KANK2: variants seen among roughly 807,000 people sequenced by gnomAD.
KANK2 encodes the protein KN motif and ankyrin repeat domain-containing protein 2.
A neutral mutation model predicts 74.6 loss-of-function variants in KANK2; 41 were observed. The ratio of observed to expected loss-of-function variants is 0.55; its 90% confidence interval spans 0.43 to 0.71. The LOEUF (loss-of-function observed/expected upper bound fraction) is 0.71. KANK2 is among the 30% of genes least tolerant of loss of function. The pLI, the probability that KANK2 is intolerant of heterozygous loss-of-function variation, is 0.00. For synonymous variants in KANK2, 537 were observed against 519.0 expected, an observed-to-expected ratio of 1.03 and a Z score of -0.47; for missense variants, 1,148 against 1,196.4, an observed-to-expected ratio of 0.96 and a Z score of 0.60.
At chr19:11,166,649 C>T (rs1411696697) in intron 12 of KANK2, 38 bp from the exon 13 acceptor site, 4 of 1,603,674 alleles carry the variant, frequency 2.5e-6, no homozygotes, top group Non-Finnish European at 3.4e-6. Flanking sequence ...GTTTGGGATC[C>T]TTTCCAATCC....
chr19:11,179,305 G>A (rs2078443141), intron 4 of KANK2, among the ~76,000 whole-genome samples: 1 of 139,770 alleles, frequency 7.2e-6, no homozygotes, highest in African/African-American at 2.7e-5. Flanking sequence ...AACAGAGCAA[G>A]ACCCTGCCTC....
At chr19:11,178,275 G>T in intron 6 of KANK2, 70 bp downstream of exon 6, 2 of 1,171,930 alleles carry the variant, frequency 1.7e-6, no homozygotes, top group Non-Finnish European at 1.1e-6. Flanking sequence ...TAATTAGGAG[G>T]CTCTCGTGCG....
chr19:11,167,087 C>G (rs528814096), intron 12 of KANK2, among the ~76,000 whole-genome samples: 1 of 152,064 alleles, frequency 6.6e-6, no homozygotes, highest in African/African-American at 2.4e-5. Flanking sequence ...TTTTTTGAGA[C>G]AGAGTTTCAC....
chr19:11,176,569 A>G lies in KANK2; in HGVS notation c.1760+9T>C. 6.4e-7 allele frequency: 1 copy of G among 1,566,280 alleles called. No individual in the cohort carries two copies. Among genetic ancestry groups the G allele is most frequent in the East Asian group, 2.3e-5 (1 of 44,096 alleles). On this transcript the variant is annotated intron_variant, in intron 7 of 12. Coordinates refer to ENST00000586659, the MANE Select transcript of KANK2 (RefSeq NM_001136191.3). Reference sequence around the variant, plus strand: ...CCCTGCCTGAATCCCTCCTACCCAGAAAACTGACCTGATCTCCTCCTCCGT... The same window carrying G: ...CCCTGCCTGAATCCCTCCTACCCAGGAAACTGACCTGATCTCCTCCTCCGT...
Position 11,170,170 on chromosome 19 carries a change from C to A in KANK2, c.2290G>T (p.Asp764Tyr). 6.2e-7 allele frequency: 1 copy of A among 1,612,242 alleles called. No homozygotes were observed. The highest frequency in any genetic ancestry group is 8.5e-7 in the Non-Finnish European group (1 of 1,180,032). The change falls in exon 11 of 13, where the codon GAT becomes TAT. Residue 764 changes from aspartate to tyrosine, a missense_variant. Physicochemically the swap from Asp to Tyr is radical, Grantham distance 160. Transcript: ENST00000586659. This position sits in a 1 kb window ranked among gnomAD's most constrained non-coding sequence, Gnocchi z 5.2. ...CCGTCATCATCTTGCACGTTGACAT[C>A]TGCCTCACAGGCCAGCAGGGCTTTG... Reference protein sequence around the residue: ...VVKALLACEADVNVQDDDGST... With the variant: ...VVKALLACEAYVNVQDDDGST...
In KANK2 at chr19:11,189,471, G is replaced by A. The variant is rs1438360280; in HGVS notation, c.1249+3360C>T. On this transcript the variant is annotated intron_variant, in intron 4 of 12. Coordinates refer to ENST00000586659, the MANE Select transcript of KANK2 (RefSeq NM_001136191.3). ...ATACAAAAATTAGTCAGTCATGGTG[G>A]TGCATGCCTGTAATCCCAGCTACTC... Among the ~76,000 whole-genome samples the A allele has an allele frequency of 6.6e-5, 10 of 151,828 alleles. No homozygotes were observed. The East Asian group carries it at 1.9e-3, about 29-fold the overall frequency.
Position 11,170,042 on chromosome 19 carries a change from A to C in KANK2, c.2412+6T>G. 9 of 1,612,572 alleles carry C rather than the reference A, an allele frequency of 5.6e-6. No homozygotes were observed. Among genetic ancestry groups the C allele is most frequent in the Non-Finnish European group, 6.8e-6 (8 of 1,178,820 alleles). ...CTCCCCGGGGTGCACCTGGTTGGAG[A>C]CTCACGCGATCTGTGAGTGAGATGT... On this transcript the variant is annotated splice_donor_region_variant and intron_variant, in intron 11 of 12. Transcript: ENST00000586659. The surrounding 1 kb of genome is among the most constrained non-coding windows in gnomAD (Gnocchi z 5.2).
intron 4 of KANK2, among the ~76,000 whole-genome samples, chr19:11,190,190 A>C (rs1376988306): frequency 1.3e-5 from 2 of 151,712 alleles, no homozygotes; most frequent in African/African-American, 2.4e-5. Context: ...GCTAGAGTGC[A>C]GTGGTGCGAC....
chr19:11,176,013 G>A (rs2078326343), intron 7 of KANK2, 24 bp from the exon 8 acceptor site: 2 of 1,598,604 alleles, frequency 1.3e-6, no homozygotes, highest in South Asian at 1.1e-5. Flanking sequence ...ACAAAGCGGG[G>A]AACTAAGTAA....
chr19:11,194,734 G>A (rs2078966452), intron 2 of KANK2, 144 bp from the exon 3 acceptor site: 1 of 503,504 alleles, frequency 2.0e-6, no homozygotes, highest in Non-Finnish European at 3.6e-6. Context: ...CAGCCTGGCT[G>A]CGGAAGGGCC....
At chr19:11,171,534 T>A (rs1204584875) in intron 10 of KANK2, among the ~76,000 whole-genome samples, 1 of 151,500 alleles carries the variant, frequency 6.6e-6, no homozygotes, top group Non-Finnish European at 1.5e-5. Context: ...CCTTCTTTTT[T>A]TTTTTAATAG....
At chr19:11,182,669 C>T (rs1600816637) in intron 4 of KANK2, among the ~76,000 whole-genome samples, 1 of 151,202 alleles carries the variant, frequency 6.6e-6, no homozygotes, top group African/African-American at 2.4e-5. Flanking sequence ...CGGTGAAACC[C>T]CATCTCTACT....
intron 4 of KANK2, among the ~76,000 whole-genome samples, chr19:11,190,170 T>C (rs1055120246): frequency 6.6e-6 from 1 of 151,860 alleles, no homozygotes; most frequent in Non-Finnish European, 1.5e-5. Context: ...GGAGTCTCAC[T>C]GTCATCCAGG....
At chr19:11,185,528 A>G (rs1188934186) in intron 4 of KANK2, among the ~76,000 whole-genome samples, 2 of 149,566 alleles carry the variant, frequency 1.3e-5, no homozygotes, top group Non-Finnish European at 3.0e-5. Context: ...AAACGTAAAA[A>G]TCATTCTTAG....
chr19:11,179,641 T>C (rs999509414), intron 4 of KANK2, among the ~76,000 whole-genome samples: 1 of 134,226 alleles, frequency 7.5e-6, no homozygotes, highest in Admixed American at 7.4e-5. Flanking sequence ...GTCCTGAAAA[T>C]AAAAAATAAA....
Position 11,170,036 on chromosome 19 carries a change from T to C in KANK2, c.2412+12A>G. ...CCCGCCCTCCCCGGGGTGCACCTGG[T>C]TGGAGACTCACGCGATCTGTGAGTG... On this transcript the variant is annotated intron_variant, in intron 11 of 12. Transcript: ENST00000586659. This position sits in a 1 kb window ranked among gnomAD's most constrained non-coding sequence, Gnocchi z 5.2. 6.2e-7 allele frequency: 1 copy of C among 1,612,606 alleles called. No individual in the cohort carries two copies.
intron 12 of KANK2, among the ~76,000 whole-genome samples, chr19:11,168,691 G>A (rs1477189487): frequency 6.6e-6 from 1 of 152,038 alleles, no homozygotes; most frequent in Non-Finnish European, 1.5e-5. Context: ...TGCAGCAGGC[G>A]CTCAATAAAT....
At chr19:11,185,052 C>A (rs1233006333) in intron 4 of KANK2, among the ~76,000 whole-genome samples, 1 of 148,944 alleles carries the variant, frequency 6.7e-6, no homozygotes, top group Non-Finnish European at 1.5e-5. Flanking sequence ...CTCAGTTGAG[C>A]CACCACGCCC....
rs528176321 is a variant in KANK2 at position 11,168,005 on chromosome 19, GTTTT to G, written c.2503-1398_2503-1395del. ...CCATCACTCGCCATCCCACGTCCTTGTTTTTTTTTTTTTTTTTTTTTCTTTGAGA... is the reference window on the plus strand; with the variant it reads ...CCATCACTCGCCATCCCACGTCCTTGTTTTTTTTTTTTTTTTTCTTTGAGA... On this transcript the variant is annotated intron_variant, in intron 12 of 12. Transcript: ENST00000586659. Among the ~76,000 whole-genome samples the G allele has an allele frequency of 2.4e-3, 276 of 115,002 alleles. 1 individual carries two copies. Among genetic ancestry groups the G allele is most frequent in the African/African-American group, 8.0e-3 (258 of 32,130 alleles). The allele number at this position is 115,002 out of a possible 152,430, so 75.4% of individuals were successfully genotyped here.
Sources: allele counts gnomAD v4.1 joint callset (sites outside exome capture counted in the v4.1 genomes callset), GRCh38; gene constraint gnomAD v4.1.1; non-coding constraint Gnocchi (gnomAD v3.1); transcripts MANE v1.5; gene names NCBI Gene and HGNC (gene_info 2026-07-23, HGNC 2026-07-21).